CDC34: variants seen among roughly 807,000 people sequenced by gnomAD.
CDC34 encodes the protein cell division cycle 34, ubiquitin conjugating enzyme.
In CDC34, 18 loss-of-function variants were observed where a neutral mutation model predicts 26.8. The observed-to-expected ratio is 0.67, with a 90% CI of 0.47 to 1.00. The LOEUF is 1.00. Ranked by LOEUF, CDC34 falls within the 50% of genes least tolerant of loss-of-function variation. The probability of loss-of-function intolerance (pLI) is 0.00; values close to 1 mark genes in which losing one functional copy is unlikely to be tolerated. For synonymous variants in CDC34, 178 were observed against 147.5 expected, an observed-to-expected ratio of 1.21 and a Z score of -1.50; for missense variants, 280 against 334.5, an observed-to-expected ratio of 0.84 and a Z score of 1.27.
intron 2 of CDC34, 109 bp from the exon 3 acceptor site, chr19:536,134 G>A (rs542973764): frequency 7.3e-4 from 683 of 939,176 alleles, no homozygotes; most frequent in Non-Finnish European, 9.9e-4. Context: ...GACCCGGGGC[G>A]CTGGGAGCCT....
At chr19:535,723 TCA>T (rs935620979) in intron 1 of CDC34, 112 bp from the exon 2 acceptor site, 5 of 827,284 alleles carry the variant, frequency 6.0e-6, no homozygotes, top group African/African-American at 3.3e-5. Flanking sequence ...ACGGTGTCCC[TCA>T]CACACACCCT....
At chr19:535,747 A>C (rs1979708423) in intron 1 of CDC34, 90 bp from the exon 2 acceptor site, 1 of 955,440 alleles carries the variant, frequency 1.0e-6, no homozygotes, top group African/African-American at 1.6e-5. Context: ...AGGCACCAGC[A>C]CTGGGAGTGG....
At chr19:537,314 A>G (rs974876506) in intron 4 of CDC34, among the ~76,000 whole-genome samples, 167 bp downstream of exon 4, 1 of 151,826 alleles carries the variant, frequency 6.6e-6, no homozygotes, top group Admixed American at 6.6e-5. Context: ...CGAGTGGCGG[A>G]GGGTCCAGCC....
Position 541,695 on chromosome 19 carries a change from C to A in CDC34, c.*143C>A. On this transcript the variant is annotated 3_prime_UTR_variant, in exon 5 of 5. Transcript: ENST00000215574. ...TTTGGCTTTTTCTCCCTCCCCATGT[C>A]TGTTCTGGGTTTTCACGTGCTTCAG... 1.1e-6 allele frequency: 1 copy of A among 914,712 alleles called. No homozygotes were observed. Among genetic ancestry groups the A allele is most frequent in the Non-Finnish European group, 1.6e-6 (1 of 634,940 alleles). The allele number at this position is 914,712 out of a possible 1,614,324, so 56.7% of individuals were successfully genotyped here.
Position 541,373 on chromosome 19 carries a change from C to T in CDC34, c.532C>T (p.Arg178Cys). 4 of 1,604,482 alleles carry T rather than the reference C, an allele frequency of 2.5e-6. No individual in the cohort carries two copies. The highest frequency in any genetic ancestry group is 2.0e-4 in the Middle Eastern group (1 of 5,052). The part of the protein sequence containing the change: ...QVLGTKVDAE[R>C]DGVKVPTTLA... ...CCTGGGGACCAAGGTGGACGCGGAGCGTGACGGCGTGAAGGTGCCCACCAC... is the reference window on the plus strand; with the variant it reads ...CCTGGGGACCAAGGTGGACGCGGAGTGTGACGGCGTGAAGGTGCCCACCAC... Residue 178 changes from arginine (R) to cysteine (C), a missense_variant, in exon 5 of 5, where the codon CGT (arginine) becomes TGT (cysteine). Arg to Cys is a radical substitution (Grantham distance 180, BLOSUM62 -3). Coordinates refer to ENST00000215574, the MANE Select transcript of CDC34 (RefSeq NM_004359.2).
At chr19:537,937 G>T (rs541031513) in intron 4 of CDC34, among the ~76,000 whole-genome samples, 2 of 152,356 alleles carry the variant, frequency 1.3e-5, no homozygotes, top group Admixed American at 6.5e-5. Context: ...GATGACAGGC[G>T]TGAGCCACTG....
rs888190596 is a variant in CDC34, at chr19:531,801, G to C, written c.-131G>C. ...TCGGGGTCCCCGGGCGGCGGCGGCG[G>C]CGCAGAGGAGGAGGCAGGCGGCGGC... On this transcript the variant is annotated 5_prime_UTR_variant, in exon 1 of 5. Coordinates refer to ENST00000215574, the MANE Select transcript of CDC34 (RefSeq NM_004359.2). 21 of 308,716 alleles carry C rather than the reference G, an allele frequency of 6.8e-5. No individual in the cohort carries two copies. The highest frequency in any genetic ancestry group is 1.4e-3 in the Middle Eastern group (1 of 712). 19.1% of individuals were successfully genotyped at this position (308,716 alleles called of 1,614,324 possible). A position where few individuals can be genotyped will look rare whatever the true frequency, so the allele number is the denominator to read the frequency against.
chr19:540,927 A>G (rs1428330054), intron 4 of CDC34, among the ~76,000 whole-genome samples: 1 of 152,028 alleles, frequency 6.6e-6, no homozygotes, highest in Non-Finnish European at 1.5e-5. Context: ...GTCTCCAGGG[A>G]TGGTCCTGCC....
Position 541,430 on chromosome 19 carries a change from C to G in CDC34, c.589C>G (p.Pro197Ala). 1 of 1,612,698 alleles carries G rather than the reference C, an allele frequency of 6.2e-7. No homozygotes were observed. The highest frequency in any genetic ancestry group is 1.1e-5 in the South Asian group (1 of 91,066). ...CGAGTACTGCGTGAAGACCAAGGCG[C>G]CGGCGCCCGACGAGGGCTCAGACCT... ...LAEYCVKTKA[P>A]APDEGSDLFY... is the part of the protein sequence containing the mutation. Residue 197 changes from proline (P) to alanine (A), a missense_variant, in exon 5 of 5, where the codon CCG becomes GCG. Physicochemically the swap from Pro to Ala is conservative, Grantham distance 27. Transcript: ENST00000215574.
Position 537,063 on chromosome 19 carries a change from C to T in CDC34, c.413C>T (p.Ser138Leu). 2.5e-6 allele frequency: 4 copies of T among 1,613,894 alleles called. No individual in the cohort carries two copies. Among genetic ancestry groups the T allele is most frequent in the Non-Finnish European group, 3.4e-6 (4 of 1,179,972 alleles). Residue 138 changes from serine (S) to leucine (L), a missense_variant, in exon 4 of 5, where the codon TCG becomes TTG. Physicochemically the swap from Ser to Leu is moderately radical, Grantham distance 145 (BLOSUM62 -2). Coordinates refer to ENST00000215574, the MANE Select transcript of CDC34 (RefSeq NM_004359.2). Reference protein sequence around the residue: ...ISLLNEPNTFSPANVDASVMY... With the variant: ...ISLLNEPNTFLPANVDASVMY... The stretch of plus-strand genomic sequence containing the variant: ...CTCCTGAACGAGCCCAACACCTTCT[C>T]GCCCGCAAACGTGGACGCCTCCGTG...
intron 4 of CDC34, among the ~76,000 whole-genome samples, chr19:537,715 G>A (rs1025543241): frequency 7.2e-6 from 1 of 138,700 alleles, no homozygotes; most frequent in South Asian, 2.3e-4. Context: ...CAGTGCAGTG[G>A]TGCGATCTCG....
chr19:539,893 G>A (rs867426383), intron 4 of CDC34, among the ~76,000 whole-genome samples: 8 of 152,146 alleles, frequency 5.3e-5, no homozygotes, highest in Non-Finnish European at 1.0e-4. Flanking sequence ...TCATAGGGCC[G>A]GGTGTACACG....
Position 537,009 on chromosome 19 carries a change from ACAGGACCATTCT to A in CDC34, c.363-2_372del. ...CGCCCCACTCCGACCCACTCTCCCC[ACAGGACCATTCT>A]CCTGAGTGTGATCTCCCTCCTGAAC... On this transcript the variant is annotated splice_acceptor_variant and splice_polypyrimidine_tract_variant and coding_sequence_variant and intron_variant, in exon 4 of 5. Transcript: ENST00000215574. LOFTEE classifies it high-confidence loss of function. 6.2e-7 allele frequency: 1 copy of A among 1,613,478 alleles called. No homozygotes were observed. Among genetic ancestry groups the A allele is most frequent in the Non-Finnish European group, 8.5e-7 (1 of 1,179,920 alleles).
chr19:535,107 C>T (rs1007164212), intron 1 of CDC34, among the ~76,000 whole-genome samples: 3 of 152,368 alleles, frequency 2.0e-5, no homozygotes, highest in Admixed American at 6.5e-5. Flanking sequence ...AGGCTGCAGG[C>T]CAGACAGCTC....
chr19:541,154 C>A, intron 4 of CDC34, 185 bp from the exon 5 acceptor site: 2 of 741,984 alleles, frequency 2.7e-6, no homozygotes, highest in Non-Finnish European at 4.1e-6. Flanking sequence ...CCTTCCCGAG[C>A]CCCCTCCTCT....
chr19:541,528 T>C lies in CDC34; in HGVS notation c.687T>C (p.Asp229=), dbSNP rs1276975275. ...ACAGCTGCTTCGGGGACGATGAGGA[T>C]GACTCTGGCACGGAGGAGTCCTGAC... ...EADSCFGDDE[D]DSGTEES is the part of the protein sequence containing the mutation. The change falls in exon 5 of 5, where the codon GAT becomes GAC. Residue 229 remains aspartate, a synonymous_variant. Transcript: ENST00000215574. 2 of 1,604,200 alleles carry C rather than the reference T, an allele frequency of 1.2e-6. No homozygotes were observed. Among genetic ancestry groups the C allele is most frequent in the South Asian group, 1.1e-5 (1 of 90,218 alleles).
intron 4 of CDC34, among the ~76,000 whole-genome samples, chr19:538,286 C>A (rs893434386): frequency 3.3e-5 from 5 of 152,206 alleles, no homozygotes; most frequent in Admixed American, 3.3e-4. Flanking sequence ...TGTGCAGTCG[C>A]CTACCGGCGC....
At chr19:538,309 C>G (rs1979856382) in intron 4 of CDC34, among the ~76,000 whole-genome samples, 1 of 152,252 alleles carries the variant, frequency 6.6e-6, no homozygotes, top group Non-Finnish European at 1.5e-5. Flanking sequence ...TCTGTACCTG[C>G]AGTCCACTTA....
At chr19:533,766 G>A (rs1979603349) in intron 1 of CDC34, among the ~76,000 whole-genome samples, 1 of 152,244 alleles carries the variant, frequency 6.6e-6, no homozygotes, top group Non-Finnish European at 1.5e-5. Flanking sequence ...GGGGCCTCTA[G>A]ACATCTGCCA....
Sources: allele counts gnomAD v4.1 joint callset (sites outside exome capture counted in the v4.1 genomes callset), GRCh38; gene constraint gnomAD v4.1.1; transcripts MANE v1.5; gene names NCBI Gene and HGNC (gene_info 2026-07-23, HGNC 2026-07-21).